ARHGEF10: variants seen among roughly 807,000 people sequenced by gnomAD.
ARHGEF10 encodes Rho guanine nucleotide exchange factor (GEF) 10.
Under a neutral mutation model 147.4 loss-of-function variants are expected in ARHGEF10, and 140 were observed. The observed-to-expected ratio is 0.95, with a 90% CI of 0.83 to 1.09. The LOEUF is 1.09. Ranked by LOEUF, ARHGEF10 falls within the 50% of genes least tolerant of loss-of-function variation. ARHGEF10 has a pLI of 0.00. For synonymous variants in ARHGEF10, 902 were observed against 695.8 expected (o/e 1.30, Z -4.67); for missense variants, 2,222 against 1,752.7 (o/e 1.27, Z -4.78).
chr8:1,873,950 T>C (rs1438733554), intron 7 of ARHGEF10, among the ~76,000 whole-genome samples: 1 of 152,172 alleles, frequency 6.6e-6, no homozygotes, highest in African/African-American at 2.4e-5. Context: ...GTACGCTCAC[T>C]GTACAGCCAA....
chr8:1,953,374 C>T (rs950447434), intron 28 of ARHGEF10, among the ~76,000 whole-genome samples: 3 of 150,286 alleles, frequency 2.0e-5, no homozygotes, highest in African/African-American at 4.9e-5. Context: ...CCGGGATCTC[C>T]GTCTTTCCTT....
At chr8:1,915,555 A>G (rs570886103) in intron 18 of ARHGEF10, among the ~76,000 whole-genome samples, 39 of 152,362 alleles carry the variant, frequency 2.6e-4, no homozygotes, top group African/African-American at 8.9e-4. Flanking sequence ...GTCTTCCAGC[A>G]TCACACGTGC....
intron 10 of ARHGEF10, among the ~76,000 whole-genome samples, chr8:1,885,175 G>A (rs1367194054): frequency 2.0e-5 from 3 of 152,162 alleles, no homozygotes; most frequent in African/African-American, 7.2e-5. Context: ...AGTTTTCAAT[G>A]ACTTTTGACT....
At chr8:1,928,868 G>T (rs1812892043) in intron 24 of ARHGEF10, among the ~76,000 whole-genome samples, 1 of 152,152 alleles carries the variant, frequency 6.6e-6, no homozygotes, top group Non-Finnish European at 1.5e-5. Flanking sequence ...AAGAGAAGTG[G>T]TATTTCTTTA....
At chr8:1,869,881 G>A (rs1446945922) in intron 7 of ARHGEF10, 2 of 163,410 alleles carry the variant, frequency 1.2e-5, no homozygotes, top group Non-Finnish European at 2.7e-5. Context: ...GAGCGGCCAC[G>A]TCCAGCAAAG....
chr8:1,896,267 G>C (rs1223037714), intron 13 of ARHGEF10, 66 bp from the exon 14 acceptor site: 8 of 1,165,506 alleles, frequency 6.9e-6, no homozygotes, highest in Non-Finnish European at 9.1e-6. Flanking sequence ...CAAATCTTCT[G>C]TTTTATGTTG....
intron 26 of ARHGEF10, among the ~76,000 whole-genome samples, chr8:1,940,602 T>C (rs1368565875): frequency 6.6e-6 from 1 of 152,152 alleles, no homozygotes; most frequent in East Asian, 1.9e-4. Context: ...TCCAAAAATA[T>C]TGATGAGGAC....
rs1331527393 is a variant in ARHGEF10 at position 1,860,171 on chromosome 8, C to G, written c.468C>G (p.Ser156=). 1.4e-5 allele frequency: 23 copies of G among 1,613,222 alleles called. No homozygotes were observed. Among genetic ancestry groups the G allele is most frequent in the Non-Finnish European group, 1.9e-5 (23 of 1,179,958 alleles). Residue 156 remains serine, a synonymous_variant, in exon 4 of 29, where the codon TCC becomes TCG. Coordinates refer to ENST00000349830, the MANE Select transcript of ARHGEF10 (RefSeq NM_014629.4). ...GCCCGGTCATCATCTGCGCCACGTC[C>G]CTGGACGAAGAAGGTACTGCTACCC... ...YSSPVIICAT[S]LDEEETPEVT...
Position 1,825,954 on chromosome 8 carries a change from A to C in ARHGEF10, c.-48+1841A>C. 4.5e-6 allele frequency: 3 copies of C among 667,784 alleles called. No homozygotes were observed. In the South Asian group the frequency reaches 5.5e-5, roughly 12 times the overall value. The allele number at this position is 667,784 out of a possible 1,614,324, so 41.4% of individuals were successfully genotyped here. A position where few individuals can be genotyped will look rare whatever the true frequency, so the allele number is the denominator to read the frequency against. ...TATGTTTTGAACACCTGCTTTATAGAAAATAATTTTTATTCGAAAAGAGAG... is the reference window on the plus strand; with the variant it reads ...TATGTTTTGAACACCTGCTTTATAGCAAATAATTTTTATTCGAAAAGAGAG... On this transcript the variant is annotated intron_variant, in intron 1 of 28. Transcript: ENST00000349830.
intron 27 of ARHGEF10, among the ~76,000 whole-genome samples, chr8:1,946,208 C>T (rs1186285459): frequency 6.6e-6 from 1 of 152,204 alleles, no homozygotes; most frequent in South Asian, 2.1e-4. Flanking sequence ...GGGGCCCAAC[C>T]GGCTTCTTTC....
intron 13 of ARHGEF10, among the ~76,000 whole-genome samples, chr8:1,894,801 A>G (rs1337665671): frequency 1.3e-5 from 2 of 152,240 alleles, no homozygotes; most frequent in Non-Finnish European, 2.9e-5. Flanking sequence ...GACACTGGAC[A>G]GAAGCTGTAT....
At chr8:1,862,601 C>G (rs1169223130) in intron 4 of ARHGEF10, among the ~76,000 whole-genome samples, 1 of 152,174 alleles carries the variant, frequency 6.6e-6, no homozygotes, top group Non-Finnish European at 1.5e-5. Context: ...TGAGAGGGCT[C>G]ATGTGTGTGC....
chr8:1,941,966 C>T (rs1251818640), intron 26 of ARHGEF10, among the ~76,000 whole-genome samples: 3 of 152,110 alleles, frequency 2.0e-5, no homozygotes, highest in Non-Finnish European at 4.4e-5. Context: ...ACAAAATTAT[C>T]TCAAATGAAT....
intron 28 of ARHGEF10, among the ~76,000 whole-genome samples, chr8:1,955,153 TAGCCAGGTGCTC>T (rs1815407384): frequency 2.8e-5 from 3 of 107,028 alleles, no homozygotes; most frequent in Non-Finnish European, 3.7e-5. Context: ...CTCTGGAGGA[TAGCCAGGTGCTC>T]CCTGAAAGGA....
At chr8:1,843,244 T>C in intron 1 of ARHGEF10, 109 bp from the exon 2 acceptor site, 1 of 764,560 alleles carries the variant, frequency 1.3e-6, no homozygotes. Flanking sequence ...TGGCTAGTAA[T>C]GACAGTTAGC....
intron 8 of ARHGEF10, among the ~76,000 whole-genome samples, chr8:1,879,580 T>A (rs994885422): frequency 6.7e-6 from 1 of 149,106 alleles, no homozygotes; most frequent in African/African-American, 2.5e-5. Context: ...GGAGACAGGG[T>A]CTTACTCTGT....
chr8:1,868,887 C>G (rs961380080), intron 6 of ARHGEF10, among the ~76,000 whole-genome samples: 4 of 152,038 alleles, frequency 2.6e-5, no homozygotes, highest in Non-Finnish European at 5.9e-5. Context: ...ACCTGGAAAC[C>G]ATAAAACTCC....
At chr8:1,855,320 C>T (rs1221952278) in intron 2 of ARHGEF10, among the ~76,000 whole-genome samples, 1 of 152,156 alleles carries the variant, frequency 6.6e-6, no homozygotes, top group East Asian at 1.9e-4. Flanking sequence ...GTGATTGTGT[C>T]ACCGTCTGGA....
chr8:1,879,429 C>T lies in ARHGEF10; in HGVS notation c.844-619C>T, dbSNP rs144799210. 5.5e-4 allele frequency among the ~76,000 whole-genome samples: 84 copies of T among 152,216 alleles called. 1 individual carries two copies. In the East Asian group the frequency reaches 0.014, roughly 26 times the overall value. On this transcript the variant is annotated intron_variant, in intron 8 of 28. Coordinates refer to ENST00000349830, the MANE Select transcript of ARHGEF10 (RefSeq NM_014629.4). ...AATTTTTATTCCACCAAAATGTAAA[C>T]GAATGATTTCACAGATATTTTGTGT...
Sources: allele counts gnomAD v4.1 joint callset (sites outside exome capture counted in the v4.1 genomes callset), GRCh38; gene constraint gnomAD v4.1.1; transcripts MANE v1.5; gene names NCBI Gene and HGNC (gene_info 2026-07-23, HGNC 2026-07-21).